ARF4: variants seen among roughly 807,000 people sequenced by gnomAD.
ARF4 encodes the protein ADP-ribosylation factor 4.
A neutral mutation model predicts 24.3 loss-of-function variants in ARF4; 5 were observed. That is an observed-to-expected ratio of 0.21 (90% CI 0.11 to 0.43). The LOEUF is 0.43. ARF4 is among the 20% of genes least tolerant of loss of function. The probability of loss-of-function intolerance (pLI) is 1.00; values close to 1 mark genes in which losing one functional copy is unlikely to be tolerated. For missense variants in ARF4, 107 were observed against 213.0 expected (o/e 0.50, Z 3.10); for synonymous variants, 62 against 73.5 (o/e 0.84, Z 0.80).
chr3:57,594,129 G>A (rs541710045), intron 1 of ARF4, among the ~76,000 whole-genome samples: 172 of 152,102 alleles, frequency 1.1e-3, no homozygotes, highest in African/African-American at 3.4e-3. Flanking sequence ...GGTGGCGGGC[G>A]CTTGTAATCC....
chr3:57,583,138 C>G (rs2069996228), intron 3 of ARF4, among the ~76,000 whole-genome samples: 1 of 152,152 alleles, frequency 6.6e-6, no homozygotes, highest in South Asian at 2.1e-4. Flanking sequence ...AGATACCAGA[C>G]CAGTAGTATC....
chr3:57,575,350 C>A (rs766671797), intron 5 of ARF4, among the ~76,000 whole-genome samples, 198 bp downstream of exon 5: 1 of 151,232 alleles, frequency 6.6e-6, no homozygotes, highest in Non-Finnish European at 1.5e-5. Flanking sequence ...AATCTTTAGA[C>A]CTATTCTACA....
rs775008159 is a variant in ARF4 at position 57,597,262 on chromosome 3, G to A, written c.-122C>T. 155 of 984,374 alleles carry A rather than the reference G, an allele frequency of 1.6e-4. 1 individual carries two copies. Among genetic ancestry groups the A allele is most frequent in the Non-Finnish European group, 2.0e-4 (132 of 649,102 alleles). The allele number at this position is 984,374 out of a possible 1,614,324, so 61.0% of individuals were successfully genotyped here. A position where few individuals can be genotyped will look rare whatever the true frequency, so the allele number is the denominator to read the frequency against. ...AAGAGAAAGAGCGGAGGAAGAAAGA[G>A]GGAGGCAGAAACGTCTCAGTGGCCC... On this transcript the variant is annotated 5_prime_UTR_variant, in exon 1 of 6. Coordinates refer to ENST00000303436, the MANE Select transcript of ARF4 (RefSeq NM_001660.4).
At position 57,597,074 on chromosome 3, in the gene ARF4, C is replaced by T. The variant is rs1327085319; in HGVS notation, c.67G>A (p.Val23Ile). The T allele has an allele frequency of 1.2e-6, 2 of 1,613,848 alleles. No individual in the cohort carries two copies. The highest frequency in any genetic ancestry group is 8.5e-7 in the Non-Finnish European group (1 of 1,179,876). Residue 23 changes from valine (V) to isoleucine (I), a missense_variant and splice_region_variant, in exon 1 of 6, where the codon GTT becomes ATT. Physicochemically the swap from Val to Ile is conservative, Grantham distance 29. Transcript: ENST00000303436. ...FGKKQMRILM[V>I]GLDAAGKTTI... ...GCCTGACTCGCAGCCCCTCACTCAC[C>T]CATCAAAATGCGCATCTGCTTCTTG...
Position 57,597,315 on chromosome 3 carries a change from A to C in ARF4, c.-175T>G. The C allele has an allele frequency of 1.7e-6, 1 of 595,252 alleles. No homozygotes were observed. The highest frequency in any genetic ancestry group is 3.0e-6 in the Non-Finnish European group (1 of 337,968). The allele number at this position is 595,252 out of a possible 1,614,324, so 36.9% of individuals were successfully genotyped here. A position where few individuals can be genotyped will look rare whatever the true frequency, so the allele number is the denominator to read the frequency against. On this transcript the variant is annotated 5_prime_UTR_variant, in exon 1 of 6. Coordinates refer to ENST00000303436, the MANE Select transcript of ARF4 (RefSeq NM_001660.4). ...GTGCCGATGAAGATCCGGCACAGGAATAAGCCGGTAGAGGACCTGCTAGGC... is the reference window on the plus strand; with the variant it reads ...GTGCCGATGAAGATCCGGCACAGGACTAAGCCGGTAGAGGACCTGCTAGGC...
At chr3:57,595,977 T>C (rs1488271310) in intron 1 of ARF4, among the ~76,000 whole-genome samples, 1 of 148,680 alleles carries the variant, frequency 6.7e-6, no homozygotes, top group African/African-American at 2.5e-5. Flanking sequence ...AAGAGAAAAA[T>C]AAAACCTCCT....
intron 1 of ARF4, among the ~76,000 whole-genome samples, chr3:57,584,910 C>T (rs958067199): frequency 3.9e-5 from 6 of 152,230 alleles, no homozygotes; most frequent in South Asian, 2.1e-4. Flanking sequence ...GTTGTCCAGG[C>T]GGGAGTGAAG....
intron 4 of ARF4, among the ~76,000 whole-genome samples, chr3:57,576,140 A>C (rs567756379): frequency 6.6e-6 from 1 of 151,792 alleles, no homozygotes; most frequent in East Asian, 1.9e-4. Context: ...TGAAATATAC[A>C]AAAAAAAAGT....
chr3:57,591,610 G>A (rs1183783300), intron 1 of ARF4, among the ~76,000 whole-genome samples: 2 of 152,046 alleles, frequency 1.3e-5, no homozygotes, highest in African/African-American at 4.8e-5. Flanking sequence ...GGGACTACAG[G>A]TATCTGCCAC....
In ARF4 at chr3:57,575,635, A is replaced by C. The variant is rs1036902593; in HGVS notation, c.369T>G (p.Leu123=). 2 of 1,613,530 alleles carry C rather than the reference A, an allele frequency of 1.2e-6. No homozygotes were observed. The highest frequency in any genetic ancestry group is 3.3e-5 in the Admixed American group (2 of 59,914). The change falls in exon 5 of 6, where the codon CTT becomes CTG. Residue 123 remains leucine (L), a synonymous_variant. Coordinates refer to ENST00000303436, the MANE Select transcript of ARF4 (RefSeq NM_001660.4). The part of the protein sequence containing the change: ...VDELRDAVLL[L]FANKQDLPNA... ...TTGGCAAATCCTGTTTGTTTGCAAAAAGTAGCAGCACTGCATCTCTCAATT... is the reference window on the plus strand; with the variant it reads ...TTGGCAAATCCTGTTTGTTTGCAAACAGTAGCAGCACTGCATCTCTCAATT...
Position 57,577,360 on chromosome 3 carries a change from C to T in ARF4, c.286G>A (p.Asp96Asn), listed in dbSNP as rs2069918493. The change falls in exon 4 of 6, where the codon GAT becomes AAT. Residue 96 changes from aspartate (D) to asparagine (N), a missense_variant. Transcript: ENST00000303436. ...GCTACTTCCTGAATTCTTTCACGAT[C>T]GTTGCTATCTACCACAAAAATAAGA... ...QGLIFVVDSN[D>N]RERIQEVADE... 2 of 1,613,266 alleles carry T rather than the reference C, an allele frequency of 1.2e-6. No individual in the cohort carries two copies. Among genetic ancestry groups the T allele is most frequent in the African/African-American group, 1.3e-5 (1 of 74,868 alleles).
Position 57,597,253 on chromosome 3 carries a change from GA to G in ARF4, c.-114del. The stretch of plus-strand genomic sequence containing the variant: ...ACGAGAGGGAAGAGAAAGAGCGGAG[GA>G]AGAAAGAGGGAGGCAGAAACGTCTC... On this transcript the variant is annotated 5_prime_UTR_variant, in exon 1 of 6. Coordinates refer to ENST00000303436, the MANE Select transcript of ARF4 (RefSeq NM_001660.4). The G allele has an allele frequency of 9.5e-7, 1 of 1,050,480 alleles. No homozygotes were observed. 65.1% of individuals were successfully genotyped at this position (1,050,480 alleles called of 1,614,324 possible).
At chr3:57,586,203 G>C (rs1479557169) in intron 1 of ARF4, among the ~76,000 whole-genome samples, 1 of 152,092 alleles carries the variant, frequency 6.6e-6, no homozygotes, top group Non-Finnish European at 1.5e-5. Context: ...ATTGTTCTTA[G>C]GATATCATAT....
rs1469555879 is a variant in ARF4 at position 57,597,315 on chromosome 3, A to G, written c.-175T>C. The G allele has an allele frequency of 2.9e-5, 17 of 595,134 alleles. No homozygotes were observed. Among genetic ancestry groups the G allele is most frequent in the Non-Finnish European group, 4.4e-5 (15 of 337,976 alleles). 36.9% of individuals were successfully genotyped at this position (595,134 alleles called of 1,614,324 possible). A position where few individuals can be genotyped will look rare whatever the true frequency, so the allele number is the denominator to read the frequency against. ...GTGCCGATGAAGATCCGGCACAGGA[A>G]TAAGCCGGTAGAGGACCTGCTAGGC... On this transcript the variant is annotated 5_prime_UTR_variant, in exon 1 of 6. Coordinates refer to ENST00000303436, the MANE Select transcript of ARF4 (RefSeq NM_001660.4).
At chr3:57,578,292 C>T (rs2069930002) in intron 3 of ARF4, among the ~76,000 whole-genome samples, 1 of 150,896 alleles carries the variant, frequency 6.6e-6, no homozygotes, top group Non-Finnish European at 1.5e-5. Context: ...CAGTGGCTCA[C>T]TCCTGTAATC....
rs569864431 is a variant in ARF4, at chr3:57,584,554, G to A, written c.68-90C>T. On this transcript the variant is annotated intron_variant, in intron 1 of 5. Coordinates refer to ENST00000303436, the MANE Select transcript of ARF4 (RefSeq NM_001660.4). ...ATAAATTTATAGTTCAAAACTAGAA[G>A]TTGACTGTTCAAGACAACTTCTAAA... 3.4e-6 allele frequency: 4 copies of A among 1,177,574 alleles called. No homozygotes were observed. In the African/African-American group the frequency reaches 6.1e-5, roughly 18 times the overall value. The allele number at this position is 1,177,574 out of a possible 1,614,324, so 72.9% of individuals were successfully genotyped here.
At chr3:57,582,164 T>A (rs11130590) in intron 3 of ARF4, among the ~76,000 whole-genome samples, 58,833 of 152,146 alleles carry the variant, frequency 0.39, 12,721 homozygotes, top group South Asian at 0.56. Flanking sequence ...ACATTTTCCA[T>A]AAGGAAGCTT....
At chr3:57,596,978 A>C in intron 1 of ARF4, 96 bp downstream of exon 1, 1 of 1,362,330 alleles carries the variant, frequency 7.3e-7, no homozygotes, top group Non-Finnish European at 1.0e-6. Flanking sequence ...CTCCCCCACC[A>C]CAGCGGGCGG....
At chr3:57,587,729 C>T (rs2153409160) in intron 1 of ARF4, among the ~76,000 whole-genome samples, 1 of 152,136 alleles carries the variant, frequency 6.6e-6, no homozygotes, top group East Asian at 1.9e-4. Context: ...ATCATGCAAC[C>T]ATTTCTAGGT....
Sources: allele counts gnomAD v4.1 joint callset (sites outside exome capture counted in the v4.1 genomes callset), GRCh38; gene constraint gnomAD v4.1.1; transcripts MANE v1.5; gene names NCBI Gene and HGNC (gene_info 2026-07-23, HGNC 2026-07-21).